Variants in DENND2B observed in about 807,000 individuals in gnomAD.
DENND2B encodes DENN domain-containing protein 2B.
DENND2B carries 32 observed loss-of-function variants against 116.0 expected under a neutral mutation model. The ratio of observed to expected loss-of-function variants is 0.28; its 90% CI spans 0.21 to 0.37. The LOEUF (loss-of-function observed/expected upper bound fraction) is 0.37. Among genes scored for constraint, DENND2B ranks in the 10% least tolerant of loss-of-function variants. DENND2B has a pLI of 1.00. For synonymous variants in DENND2B, 588 were observed against 583.9 expected, an observed-to-expected ratio of 1.01 and a Z score of -0.10; for missense variants, 1,276 against 1,477.7, an observed-to-expected ratio of 0.86 and a Z score of 2.24.
chr11:8,832,853 C>T (rs539718123), intron 4 of DENND2B, among the ~76,000 whole-genome samples: 2 of 152,238 alleles, frequency 1.3e-5, no homozygotes, highest in African/African-American at 4.8e-5. Context: ...GAGGCCCTGA[C>T]AGAACAAGCC....
At chr11:8,800,951 G>A (rs1221228710) in intron 1 of DENND2B, among the ~76,000 whole-genome samples, 1 of 151,832 alleles carries the variant, frequency 6.6e-6, no homozygotes, top group African/African-American at 2.4e-5. Context: ...GCTGGGATCA[G>A]GCTATCTCTT....
At chr11:8,792,961 G>A (rs558349310) in intron 1 of DENND2B, among the ~76,000 whole-genome samples, 1 of 152,298 alleles carries the variant, frequency 6.6e-6, no homozygotes, top group East Asian at 1.9e-4. Flanking sequence ...TAGGACACAT[G>A]GGCAAAGACA....
chr11:8,705,712 C>T (rs2042482580), intron 13 of DENND2B, among the ~76,000 whole-genome samples: 1 of 152,236 alleles, frequency 6.6e-6, no homozygotes, highest in Admixed American at 6.5e-5. Flanking sequence ...CCTGGGGCTC[C>T]AGCCAGAAAA....
At chr11:8,806,813 CT>C (rs1451267043) in intron 1 of DENND2B, among the ~76,000 whole-genome samples, 1 of 152,146 alleles carries the variant, frequency 6.6e-6, no homozygotes, top group Non-Finnish European at 1.5e-5. Context: ...AATGCCTAGC[CT>C]CCCCAGCCCC....
chr11:8,700,476 G>C (rs1374178240), intron 14 of DENND2B, among the ~76,000 whole-genome samples: 1 of 152,208 alleles, frequency 6.6e-6, no homozygotes, highest in Non-Finnish European at 1.5e-5. Flanking sequence ...GGATGGGCCT[G>C]CGTTCCTGTC....
At chr11:8,741,681 C>T (rs72858257) in intron 2 of DENND2B, among the ~76,000 whole-genome samples, 1,869 of 152,216 alleles carry the variant, frequency 0.012, 24 homozygotes, top group Middle Eastern at 0.034. Context: ...ACTTTTCAGG[C>T]CCAGGCCTAA....
rs1339733528 is a variant in DENND2B at position 8,694,136 on chromosome 11, G to C, written c.3380-6C>G. The C allele has an allele frequency of 1.9e-6, 3 of 1,614,110 alleles. 1 individual carries two copies. The South Asian group carries it at 3.3e-5, about 18-fold the overall frequency. On this transcript the variant is annotated splice_polypyrimidine_tract_variant and splice_region_variant and intron_variant, in intron 19 of 19. Coordinates refer to ENST00000313726, the MANE Select transcript of DENND2B (RefSeq NM_213618.2). Reference sequence around the variant, plus strand: ...GAGAAACTTCATTTTGTTGCCTGTGGGCCAGAGAGGACAAGAGAGAATGTT... The same window carrying C: ...GAGAAACTTCATTTTGTTGCCTGTGCGCCAGAGAGGACAAGAGAGAATGTT...
chr11:8,708,895 G>C (rs187033344), intron 11 of DENND2B, among the ~76,000 whole-genome samples: 1 of 146,396 alleles, frequency 6.8e-6, no homozygotes, highest in African/African-American at 2.5e-5. Context: ...AGGTTGCAGT[G>C]AGCCGAGATC....
At chr11:8,846,480 G>C (rs151060827) in intron 3 of DENND2B, among the ~76,000 whole-genome samples, 1 of 152,326 alleles carries the variant, frequency 6.6e-6, no homozygotes, top group East Asian at 1.9e-4. Flanking sequence ...GAAGGCTCAT[G>C]GTCATCACAA....
intron 2 of DENND2B, among the ~76,000 whole-genome samples, chr11:8,877,988 A>G (rs189745075): frequency 2.0e-5 from 3 of 152,372 alleles, no homozygotes; most frequent in Admixed American, 2.0e-4. Flanking sequence ...GGGAATTTGC[A>G]GAACTAGTAG....
chr11:8,867,067 T>C (rs965037234), intron 2 of DENND2B, among the ~76,000 whole-genome samples: 1 of 152,224 alleles, frequency 6.6e-6, no homozygotes, highest in Non-Finnish European at 1.5e-5. Flanking sequence ...CCTGTCAAGC[T>C]GCCCCTCCTT....
At chr11:8,902,626 T>C (rs1215472152) in intron 1 of DENND2B, among the ~76,000 whole-genome samples, 1 of 152,206 alleles carries the variant, frequency 6.6e-6, no homozygotes, top group African/African-American at 2.4e-5. Flanking sequence ...CACAAGTTTA[T>C]TATCTTAAGG....
At chr11:8,729,066 A>G (rs1269322687) in intron 3 of DENND2B, among the ~76,000 whole-genome samples, 1 of 152,180 alleles carries the variant, frequency 6.6e-6, no homozygotes, top group Non-Finnish European at 1.5e-5. Context: ...GAAAGTTTAT[A>G]TATGAGATGG....
intron 3 of DENND2B, among the ~76,000 whole-genome samples, chr11:8,851,683 A>C (rs1278168121): frequency 6.6e-6 from 1 of 152,164 alleles, no homozygotes; most frequent in East Asian, 1.9e-4. Flanking sequence ...TATGGGTATA[A>C]GGATATTCAC....
intron 3 of DENND2B, among the ~76,000 whole-genome samples, chr11:8,840,876 G>A (rs2062600348): frequency 6.6e-6 from 1 of 152,004 alleles, no homozygotes; most frequent in Non-Finnish European, 1.5e-5. Flanking sequence ...CTCCCCTTTT[G>A]CCATCCACCA....
At chr11:8,875,899 C>T (rs1054435970), upstream of DENND2B, among the ~76,000 whole-genome samples, 1 of 152,080 alleles carries the variant, frequency 6.6e-6, no homozygotes, top group East Asian at 1.9e-4. Context: ...AGAAAGCATA[C>T]GTTGAGTCCC....
chr11:8,909,804 T>G (rs2064292095), intron 1 of DENND2B: 1 of 152,130 alleles, frequency 6.6e-6, no homozygotes, highest in Non-Finnish European at 1.5e-5. Context: ...GGATGGAGTT[T>G]CTCTCCTTTT....
intron 1 of DENND2B, among the ~76,000 whole-genome samples, chr11:8,765,239 A>G (rs2055484195): frequency 6.6e-6 from 1 of 152,212 alleles, no homozygotes. Context: ...AACTCCTTTA[A>G]GGGCCATGAT....
intron 15 of DENND2B, 72 bp downstream of exon 15, chr11:8,699,141 G>A: frequency 1.3e-6 from 2 of 1,516,082 alleles, no homozygotes; most frequent in Admixed American, 2.3e-5. Context: ...GAGGCCGAGG[G>A]GCCACAAGTA....
Sources: allele counts gnomAD v4.1 joint callset (sites outside exome capture counted in the v4.1 genomes callset), GRCh38; gene constraint gnomAD v4.1.1; transcripts MANE v1.5; gene names NCBI Gene and HGNC (gene_info 2026-07-23, HGNC 2026-07-21).